Variants in PCLO observed in about 807,000 individuals in gnomAD.
PCLO encodes the protein piccolo presynaptic cytomatrix protein.
PCLO carries 82 observed loss-of-function variants against 427.5 expected under a neutral mutation model. That is an observed-to-expected ratio of 0.19 (90% CI 0.16 to 0.23). PCLO has a LOEUF of 0.23. PCLO is among the 10% of genes least tolerant of loss of function. PCLO has a pLI of 1.00. For synonymous variants in PCLO, 2,357 were observed against 2,155.4 expected, an observed-to-expected ratio of 1.09 and a Z score of -2.59; for missense variants, 6,239 against 6,115.9, an observed-to-expected ratio of 1.02 and a Z score of -0.67.
intron 10 of PCLO, among the ~76,000 whole-genome samples, chr7:82,871,047 T>G (rs970449390): frequency 6.6e-6 from 1 of 152,052 alleles, no homozygotes; most frequent in East Asian, 1.9e-4. Flanking sequence ...AAAAACAGTA[T>G]GGAGATTCCT....
chr7:83,024,073 A>C (rs1397462793), intron 3 of PCLO, among the ~76,000 whole-genome samples: 1 of 152,144 alleles, frequency 6.6e-6, no homozygotes, highest in African/African-American at 2.4e-5. Flanking sequence ...ACATACTCAG[A>C]TAAGAAAAGG....
Position 83,155,560 on chromosome 7 carries a change from G to T in PCLO, c.1081C>A (p.Pro361Thr). 6.2e-7 allele frequency: 1 copy of T among 1,613,078 alleles called. No individual in the cohort carries two copies. Among genetic ancestry groups the T allele is most frequent in the Non-Finnish European group, 8.5e-7 (1 of 1,179,486 alleles). ...PPVQPPGTTK[P>T]PAQPLGPAKP... ...GCAGGACCAAGAGGCTGAGCTGGAG[G>T]CTTTGTTGTCCCTGGTGGCTGGACT... Residue 361 changes from proline to threonine, a missense_variant, in exon 2 of 25, where the codon CCT (proline) becomes ACT (threonine). Pro to Thr is a conservative substitution (Grantham distance 38). Coordinates refer to ENST00000333891, the MANE Select transcript of PCLO (RefSeq NM_033026.6).
chr7:83,102,597 C>T (rs1476598634), intron 3 of PCLO, among the ~76,000 whole-genome samples: 1 of 151,864 alleles, frequency 6.6e-6, no homozygotes, highest in African/African-American at 2.4e-5. Context: ...TGACATTTGG[C>T]TATTTCAACT....
intron 10 of PCLO, among the ~76,000 whole-genome samples, chr7:82,849,085 A>G (rs902163006): frequency 6.6e-6 from 1 of 152,172 alleles, no homozygotes; most frequent in Admixed American, 6.5e-5. Flanking sequence ...TAAAGTTATT[A>G]TATTTCAGAA....
At chr7:82,760,500 G>T in intron 24 of PCLO, 139 bp downstream of exon 24, 1 of 489,814 alleles carries the variant, frequency 2.0e-6, no homozygotes. Flanking sequence ...AAGATTCCTG[G>T]GGAGATACTG....
chr7:83,150,776 C>A (rs185157279), intron 2 of PCLO, among the ~76,000 whole-genome samples: 63 of 152,140 alleles, frequency 4.1e-4, no homozygotes, highest in African/African-American at 1.4e-3. Context: ...CCATACATTA[C>A]GCAAGCAAAG....
intron 3 of PCLO, among the ~76,000 whole-genome samples, chr7:82,989,916 CCT>C (rs1796339518): frequency 1.3e-5 from 2 of 152,070 alleles, no homozygotes; most frequent in Admixed American, 6.6e-5. Context: ...GTTTTGATTG[CCT>C]GCAGCATCAC....
chr7:83,006,818 T>G (rs1422747856), intron 3 of PCLO, among the ~76,000 whole-genome samples: 2 of 151,584 alleles, frequency 1.3e-5, no homozygotes, highest in Admixed American at 1.3e-4. Context: ...CAAAATCATT[T>G]TAAGTCTTTG....
At chr7:82,822,174 A>G (rs1791809107) in intron 20 of PCLO, 5 of 1,122,928 alleles carry the variant, frequency 4.5e-6, no homozygotes, top group Non-Finnish European at 5.5e-6. Context: ...AAGATATTTA[A>G]GCGCAAACAA....
intron 10 of PCLO, among the ~76,000 whole-genome samples, chr7:82,848,659 C>T (rs922238042): frequency 1.3e-5 from 2 of 151,978 alleles, no homozygotes; most frequent in Non-Finnish European, 2.9e-5. Flanking sequence ...TGTGAAATTA[C>T]CTATTGATCA....
rs1795502494 is a variant in PCLO, at chr7:82,955,879, A to T, written c.5074T>A (p.Tyr1692Asn). 1 of 1,613,904 alleles carries T rather than the reference A, an allele frequency of 6.2e-7. No homozygotes were observed. Among genetic ancestry groups the T allele is most frequent in the Admixed American group, 1.7e-5 (1 of 60,008 alleles). The change falls in exon 5 of 25, where the codon TAT becomes AAT. Residue 1692 changes from tyrosine (Y) to asparagine (N), a missense_variant. Tyr to Asn is a moderately radical substitution (Grantham distance 143). Transcript: ENST00000333891. ...TCCAATTCTGGCTCTTCGTCAAAAT[A>T]CAAACTTGTTTTTTTCTGTGATGAC... ...AESSQKKTSL[Y>N]FDEEPELEME... is the part of the protein sequence containing the mutation.
At chr7:83,091,659 AT>A (rs1182980740) in intron 3 of PCLO, among the ~76,000 whole-genome samples, 1 of 152,142 alleles carries the variant, frequency 6.6e-6, no homozygotes, top group East Asian at 1.9e-4. Context: ...ACTGATGTCA[AT>A]TTTGTACATT....
chr7:82,766,354 G>A (rs1562776014), intron 22 of PCLO, among the ~76,000 whole-genome samples: 1 of 152,036 alleles, frequency 6.6e-6, no homozygotes. Context: ...TTGGTTGAGT[G>A]AACACTGACA....
chr7:83,022,712 G>A (rs1788375860), intron 3 of PCLO, among the ~76,000 whole-genome samples: 1 of 152,054 alleles, frequency 6.6e-6, no homozygotes, highest in African/African-American at 2.4e-5. Flanking sequence ...TTAGCTGCAG[G>A]TCTTTTTTTA....
At chr7:82,847,993 G>T (rs1025002722) in intron 10 of PCLO, among the ~76,000 whole-genome samples, 4 of 152,040 alleles carry the variant, frequency 2.6e-5, no homozygotes, top group African/African-American at 9.7e-5. Flanking sequence ...AGCTGGCCTG[G>T]CCTGACCTGG....
chr7:82,792,458 C>T (rs113101400), intron 22 of PCLO, among the ~76,000 whole-genome samples: 25 of 151,996 alleles, frequency 1.6e-4, no homozygotes, highest in Non-Finnish European at 2.9e-4. Context: ...TCCCAAGTAG[C>T]TGGGACCACA....
chr7:82,903,930 A>G (rs1459585173), intron 8 of PCLO, among the ~76,000 whole-genome samples: 1 of 151,934 alleles, frequency 6.6e-6, no homozygotes. Flanking sequence ...TATTAAAAAC[A>G]AAACAGGTAT....
At chr7:82,776,835 T>TAC (rs35871137) in intron 22 of PCLO, among the ~76,000 whole-genome samples, 124,697 of 150,270 alleles carry the variant, frequency 0.83, 51,854 homozygotes, top group East Asian at 0.92. Flanking sequence ...TCTCTATATA[T>TAC]ACACACACAC....
chr7:82,784,973 C>T (rs561971912), intron 22 of PCLO, among the ~76,000 whole-genome samples: 1 of 152,238 alleles, frequency 6.6e-6, no homozygotes, highest in African/African-American at 2.4e-5. Context: ...CTTTTTACAA[C>T]CACAAAAAAC....
Sources: gnomAD v4.1 joint callset for allele counts (sites outside exome capture counted in the v4.1 genomes callset) on GRCh38, gnomAD v4.1.1 for gene constraint, MANE v1.5 for transcripts, NCBI Gene and HGNC (gene_info 2026-07-23, HGNC 2026-07-21) for gene names.